GJA8: variants seen among roughly 807,000 people sequenced by gnomAD.
The protein encoded by GJA8 is gap junction protein alpha 8, also known as gap junction alpha-8 protein.
GJA8 carries 13 observed loss-of-function variants against 15.3 expected under a neutral mutation model. That is an observed-to-expected ratio of 0.85 (90% confidence interval 0.55 to 1.35). The LOEUF (loss-of-function observed/expected upper bound fraction) is 1.35, where lower values mean the gene tolerates loss of function less well. Ranked by LOEUF, GJA8 falls within the 40% of genes most tolerant of loss-of-function variation. The probability of loss-of-function intolerance (pLI) is 0.00; values close to 1 mark genes in which losing one functional copy is unlikely to be tolerated. For missense variants in GJA8, 607 were observed against 553.3 expected (o/e 1.10, Z -0.97); for synonymous variants, 304 against 238.7 (o/e 1.27, Z -2.52).
chr1:147,911,294 A>T (rs1652138394), downstream of GJA8, among the ~76,000 whole-genome samples: 1 of 152,174 alleles, frequency 6.6e-6, no homozygotes, highest in Non-Finnish European at 1.5e-5. Flanking sequence ...CATTCAAGAT[A>T]TACCTTTCCA....
chr1:147,906,218 A>G (rs1553242260), intron 1 of GJA8, among the ~76,000 whole-genome samples: 2 of 152,254 alleles, frequency 1.3e-5, no homozygotes, highest in Non-Finnish European at 2.9e-5. Context: ...CCAGAGCAAG[A>G]TCCTCTAACA....
In GJA8 at chr1:147,909,117, T is replaced by G. The variant is rs781890415; in HGVS notation, c.1162T>G (p.Ser388Ala). 1.0e-4 allele frequency: 167 copies of G among 1,613,706 alleles called. No individual in the cohort carries two copies. Among genetic ancestry groups the G allele is most frequent in the Non-Finnish European group, 1.3e-4 (157 of 1,179,912 alleles). Reference sequence around the variant, plus strand: ...GGAGGGTGAAAAAGAAGAGCCGCAGTCGGAGAAGGTGTCAAAGCAAGGGCT... The same window carrying G: ...GGAGGGTGAAAAAGAAGAGCCGCAGGCGGAGAAGGTGTCAAAGCAAGGGCT... ...DKEGEKEEPQ[S>A]EKVSKQGLPA... Residue 388 changes from serine to alanine, a missense_variant, in exon 2 of 2, where the codon TCG (serine) becomes GCG (alanine). By Grantham distance (99) the Ser-to-Ala change is moderately conservative. Transcript: ENST00000369235.
Position 147,908,796 on chromosome 1 carries a change from T to G in GJA8, c.841T>G (p.Leu281Val). The G allele has an allele frequency of 6.2e-7, 1 of 1,614,200 alleles. No individual in the cohort carries two copies. The highest frequency in any genetic ancestry group is 8.5e-7 in the Non-Finnish European group (1 of 1,180,042). The change falls in exon 2 of 2, where the codon TTG becomes GTG. Residue 281 changes from leucine to valine, a missense_variant. By Grantham distance (32) the Leu-to-Val change is conservative (BLOSUM62 1). Coordinates refer to ENST00000369235, the MANE Select transcript of GJA8 (RefSeq NM_005267.5). ...GAAAATCGTTTCCCACTATTTCCCC[T>G]TGACCGAGGTTGGGATGGTGGAGAC... ...EEKIVSHYFP[L>V]TEVGMVETSP...
chr1:147,908,943 G>T lies in GJA8; in HGVS notation c.988G>T (p.Glu330Ter). Reference sequence around the variant, plus strand: ...TTCCTACGCTCAGGTGGGGGCACAAGAAGTGGAGGGCGAGGGGCCGCCTGC... The same window carrying T: ...TTCCTACGCTCAGGTGGGGGCACAATAAGTGGAGGGCGAGGGGCCGCCTGC... ...LPSYAQVGAQ[E>*]VEGEGPPAEE... The change falls in exon 2 of 2, where the codon GAA becomes TAA. Residue 330 changes from glutamate (E) to a stop codon, truncating the protein, a stop_gained. Transcript: ENST00000369235. LOFTEE classifies it low-confidence loss of function (END_TRUNC). The T allele has an allele frequency of 1.9e-6, 3 of 1,608,726 alleles. No homozygotes were observed. Among genetic ancestry groups the T allele is most frequent in the Non-Finnish European group, 2.6e-6 (3 of 1,176,350 alleles).
downstream of GJA8, among the ~76,000 whole-genome samples, chr1:147,911,374 G>A (rs1652142112): frequency 1.3e-5 from 2 of 152,202 alleles, no homozygotes; most frequent in South Asian, 2.1e-4. Context: ...CCATTCTAAA[G>A]CAAAGTAGTC....
rs974433997 is a variant in GJA8, at chr1:147,908,880, C to A, written c.925C>A (p.Leu309Met). 96 of 1,614,010 alleles carry A rather than the reference C, an allele frequency of 5.9e-5. No homozygotes were observed. Among genetic ancestry groups the A allele is most frequent in the Middle Eastern group, 4.9e-4 (3 of 6,084 alleles). ...CGAGGAGAAGATCAGCACAGGACCC[C>A]TGGGGGACTTGTCCCGGGGCTACCA... ...QFEEKISTGP[L>M]GDLSRGYQET... Residue 309 changes from leucine to methionine, a missense_variant, in exon 2 of 2, where the codon CTG becomes ATG. Physicochemically the swap from Leu to Met is conservative, Grantham distance 15 (BLOSUM62 2). Coordinates refer to ENST00000369235, the MANE Select transcript of GJA8 (RefSeq NM_005267.5).
Position 147,908,050 on chromosome 1 carries a change from T to C in GJA8, c.95T>C (p.Phe32Ser). The change falls in exon 2 of 2, where the codon TTC (phenylalanine) becomes TCC (serine). Residue 32 changes from phenylalanine (F) to serine (S), a missense_variant. Transcript: ENST00000369235. ...GRVWLTVLFI[F>S]RILILGTAAE... ...GTCTGGCTCACCGTGCTTTTCATCT[T>C]CCGGATCCTCATCCTTGGCACGGCC... 6.2e-7 allele frequency: 1 copy of C among 1,614,112 alleles called. No individual in the cohort carries two copies. Among genetic ancestry groups the C allele is most frequent in the Non-Finnish European group, 8.5e-7 (1 of 1,179,978 alleles).
At chr1:147,904,995 ATTG>A (rs1164444120) in intron 1 of GJA8, among the ~76,000 whole-genome samples, 2 of 152,302 alleles carry the variant, frequency 1.3e-5, no homozygotes, top group African/African-American at 4.8e-5. Flanking sequence ...CTTGTCAAGA[ATTG>A]TTGGCCTTCC....
chr1:147,907,401 A>G (rs587595044), intron 1 of GJA8, among the ~76,000 whole-genome samples: 34 of 152,306 alleles, frequency 2.2e-4, no homozygotes, highest in Admixed American at 1.2e-3. Flanking sequence ...ATAAATGCTA[A>G]TCCCCTTCCA....
chr1:147,906,626 G>A (rs1362244678), intron 1 of GJA8, among the ~76,000 whole-genome samples: 1 of 152,144 alleles, frequency 6.6e-6, no homozygotes, highest in African/African-American at 2.4e-5. Flanking sequence ...GGATTTAAAA[G>A]AGTAATAATA....
downstream of GJA8, among the ~76,000 whole-genome samples, chr1:147,910,702 C>T (rs77047820): frequency 9.9e-5 from 15 of 152,160 alleles, no homozygotes; most frequent in East Asian, 2.1e-3. Flanking sequence ...AGCCCAGTTT[C>T]GAGCTGGAGG....
rs587653819 is a variant in GJA8 at position 147,907,765 on chromosome 1, C to T, written c.-11-180C>T. Among the ~76,000 whole-genome samples, 6 of 152,256 alleles carry T rather than the reference C, an allele frequency of 3.9e-5. No individual in the cohort carries two copies. The South Asian group carries it at 6.2e-4, about 16-fold the overall frequency. ...AGGAAGCGGATGGAAGCACATTCTT[C>T]GGGGCCTTCTTTGTTCTCTAGTCCT... On this transcript the variant is annotated intron_variant, in intron 1 of 1. Transcript: ENST00000369235.
At position 147,908,517 on chromosome 1, in the gene GJA8, T is replaced by A; in HGVS notation, c.562T>A (p.Cys188Ser). 1 of 1,614,154 alleles carries A rather than the reference T, an allele frequency of 6.2e-7. No homozygotes were observed. The highest frequency in any genetic ancestry group is 8.5e-7 in the Non-Finnish European group (1 of 1,180,022). The change falls in exon 2 of 2, where the codon TGC becomes AGC. Residue 188 changes from cysteine to serine, a missense_variant. Transcript: ENST00000369235. ...LPLYRCSRWP[C>S]PNVVDCFVSR... Reference sequence around the variant, plus strand: ...TCTGTACCGCTGCAGCCGGTGGCCCTGCCCCAATGTGGTGGACTGCTTCGT... The same window carrying A: ...TCTGTACCGCTGCAGCCGGTGGCCCAGCCCCAATGTGGTGGACTGCTTCGT...
chr1:147,908,938 C>T lies in GJA8; in HGVS notation c.983C>T (p.Ala328Val). ...ETLPSYAQVG[A>V]QEVEGEGPPA... is the part of the protein sequence containing the mutation. ...CTGCCTTCCTACGCTCAGGTGGGGG[C>T]ACAAGAAGTGGAGGGCGAGGGGCCG... Residue 328 changes from alanine to valine, a missense_variant, in exon 2 of 2, where the codon GCA (alanine) becomes GTA (valine). Ala to Val is a moderately conservative substitution (Grantham distance 64). Transcript: ENST00000369235. The T allele has an allele frequency of 1.2e-6, 2 of 1,609,598 alleles. No homozygotes were observed. Among genetic ancestry groups the T allele is most frequent in the Non-Finnish European group, 1.7e-6 (2 of 1,176,956 alleles).
Position 147,908,663 on chromosome 1 carries a change from G to A in GJA8, c.708G>A (p.Leu236=). ...GCCTGAAGGGGATCCGGTCTGCCTTGAAGAGGCCTGTAGAGCAGCCCCTGG... is the reference window on the plus strand; with the variant it reads ...GCCTGAAGGGGATCCGGTCTGCCTTAAAGAGGCCTGTAGAGCAGCCCCTGG... ...HLGLKGIRSA[L]KRPVEQPLGE... Residue 236 remains leucine, a synonymous_variant, in exon 2 of 2, where the codon TTG becomes TTA. Coordinates refer to ENST00000369235, the MANE Select transcript of GJA8 (RefSeq NM_005267.5). 1 of 1,614,082 alleles carries A rather than the reference G, an allele frequency of 6.2e-7. No individual in the cohort carries two copies. The highest frequency in any genetic ancestry group is 1.1e-5 in the South Asian group (1 of 91,084).
At chr1:147,907,609 T>C (rs1651850348) in intron 1 of GJA8, among the ~76,000 whole-genome samples, 3 of 152,358 alleles carry the variant, frequency 2.0e-5, no homozygotes, top group Admixed American at 1.3e-4. Flanking sequence ...TTTCTATTTA[T>C]GGTCAACAAT....
intron 1 of GJA8, among the ~76,000 whole-genome samples, chr1:147,906,945 C>T (rs969050925): frequency 3.3e-5 from 5 of 151,804 alleles, no homozygotes; most frequent in Admixed American, 3.3e-4. Context: ...AGTATAGTGG[C>T]ACATATCAGG....
In GJA8 at chr1:147,908,071, C is replaced by T; in HGVS notation, c.116C>T (p.Thr39Met). 1 of 1,614,136 alleles carries T rather than the reference C, an allele frequency of 6.2e-7. No homozygotes were observed. Among genetic ancestry groups the T allele is most frequent in the Non-Finnish European group, 8.5e-7 (1 of 1,179,994 alleles). The part of the protein sequence containing the change: ...LFIFRILILG[T>M]AAEFVWGDEQ... The stretch of plus-strand genomic sequence containing the variant: ...ATCTTCCGGATCCTCATCCTTGGCA[C>T]GGCCGCAGAGTTCGTGTGGGGGGAT... The change falls in exon 2 of 2, where the codon ACG (threonine) becomes ATG (methionine). Residue 39 changes from threonine to methionine, a missense_variant. Thr to Met is a moderately conservative substitution (Grantham distance 81). Coordinates refer to ENST00000369235, the MANE Select transcript of GJA8 (RefSeq NM_005267.5).
downstream of GJA8, among the ~76,000 whole-genome samples, chr1:147,909,962 T>C (rs1292917765): frequency 2.0e-5 from 3 of 152,120 alleles, no homozygotes; most frequent in African/African-American, 2.4e-5. Flanking sequence ...CAAGCTCAAG[T>C]GATCCTCTCA....
Sources: allele counts gnomAD v4.1 joint callset (sites outside exome capture counted in the v4.1 genomes callset), GRCh38; gene constraint gnomAD v4.1.1; transcripts MANE v1.5; gene names NCBI Gene and HGNC (gene_info 2026-07-23, HGNC 2026-07-21).